The following ADIPOQ variants were observed in gnomAD, a reference collection of about 807,000 sequenced individuals.
ADIPOQ encodes the protein adiponectin, C1Q and collagen domain containing, also known as adiponectin.
Under a neutral mutation model 16.1 loss-of-function variants are expected in ADIPOQ, and 19 were observed. The ratio of observed to expected loss-of-function variants is 1.18; its 90% CI spans 0.82 to 1.73. ADIPOQ has a LOEUF of 1.73. Among genes scored for constraint, ADIPOQ ranks in the 40% most tolerant of loss-of-function variants. The probability of loss-of-function intolerance (pLI) is 0.00; values close to 1 mark genes in which losing one functional copy is unlikely to be tolerated. For missense variants in ADIPOQ, 323 were observed against 308.3 expected, an observed-to-expected ratio of 1.05 and a Z score of -0.36; for synonymous variants, 124 against 125.5, an observed-to-expected ratio of 0.99 and a Z score of 0.08.
At position 186,856,225 on chromosome 3, in the gene ADIPOQ, C is replaced by T. The variant is rs1711996398; in HGVS notation, c.*1521C>T. 1 of 152,146 alleles carries T rather than the reference C, an allele frequency of 6.6e-6. No individual in the cohort carries two copies. The highest frequency in any genetic ancestry group is 2.4e-5 in the African/African-American group (1 of 41,442). The allele number at this position is 152,146 out of a possible 1,614,324, so 9.4% of individuals were successfully genotyped here. On this transcript the variant is annotated 3_prime_UTR_variant, in exon 3 of 3. Coordinates refer to ENST00000320741, the MANE Select transcript of ADIPOQ (RefSeq NM_004797.4). ...ATTTATTATTGTTCTTTAAGAATTA[C>T]AGGTTGAGGTAGTTGATGGTGGTAA...
chr3:186,854,249 T>C lies in ADIPOQ; in HGVS notation c.280T>C (p.Phe94Leu). ...ACCCGGGGCTGAAGGTCCCCGAGGC[T>C]TTCCGGGAATCCAAGGCAGGAAAGG... ...GVPGAEGPRG[F>L]PGIQGRKGEP... The change falls in exon 3 of 3, where the codon TTT becomes CTT. Residue 94 changes from phenylalanine to leucine, a missense_variant. Phe to Leu is a conservative substitution (Grantham distance 22). Transcript: ENST00000320741. 1.2e-6 allele frequency: 2 copies of C among 1,613,718 alleles called. No individual in the cohort carries two copies. Among genetic ancestry groups the C allele is most frequent in the Admixed American group, 1.7e-5 (1 of 60,018 alleles).
At chr3:186,843,611 G>T (rs930003855) in intron 1 of ADIPOQ, among the ~76,000 whole-genome samples, 3 of 143,374 alleles carry the variant, frequency 2.1e-5, no homozygotes, top group Non-Finnish European at 3.0e-5. Context: ...AGTGAGCCGA[G>T]ATTGTTGCCA....
At chr3:186,853,370 A>G in intron 2 of ADIPOQ, 98 bp downstream of exon 2, 1 of 1,438,402 alleles carries the variant, frequency 7.0e-7, no homozygotes, top group Non-Finnish European at 9.6e-7. Context: ...CACAGGGAGA[A>G]AGCAAAGCTT....
rs10662615 is a variant in ADIPOQ, at chr3:186,848,305, AGAAG to A, written c.-8-4728_-8-4725del. On this transcript the variant is annotated intron_variant, in intron 1 of 2. Transcript: ENST00000320741. The stretch of plus-strand genomic sequence containing the variant: ...AGGAAGGAAAGAAGGAAGGAAGGAA[AGAAG>A]GAAGGAAGGAAGGAAGGGTAACAAG... Among the ~76,000 whole-genome samples, 31 of 80,316 alleles carry A rather than the reference AGAAG, an allele frequency of 3.9e-4. 1 individual carries two copies. Among genetic ancestry groups the A allele is most frequent in the African/African-American group, 8.0e-4 (18 of 22,374 alleles). The allele number at this position is 80,316 out of a possible 152,430, so 52.7% of individuals were successfully genotyped here. A position where few individuals can be genotyped will look rare whatever the true frequency, so the allele number is the denominator to read the frequency against.
At position 186,854,305 on chromosome 3, in the gene ADIPOQ, C is replaced by T. The variant is rs1179263606; in HGVS notation, c.336C>T (p.Arg112=). 1.2e-6 allele frequency: 2 copies of T among 1,614,184 alleles called. No homozygotes were observed. Among genetic ancestry groups the T allele is most frequent in the African/African-American group, 1.3e-5 (1 of 75,042 alleles). The change falls in exon 3 of 3, where the codon CGC becomes CGT. Residue 112 remains arginine (R), a synonymous_variant. Coordinates refer to ENST00000320741, the MANE Select transcript of ADIPOQ (RefSeq NM_004797.4). ...GEPGEGAYVY[R]SAFSVGLETY... is the part of the protein sequence containing the mutation. The stretch of plus-strand genomic sequence containing the variant: ...CTGGAGAAGGTGCCTATGTATACCG[C>T]TCAGCATTCAGTGTGGGATTGGAGA...
rs202013088 is a variant in ADIPOQ at position 186,854,604 on chromosome 3, G to A, written c.635G>A (p.Trp212Ter). 1.2e-6 allele frequency: 2 copies of A among 1,614,122 alleles called. No individual in the cohort carries two copies. The highest frequency in any genetic ancestry group is 1.7e-6 in the Non-Finnish European group (2 of 1,179,974). ...CATCTGGAGGTGGGCGACCAAGTCT[G>A]GCTCCAGGTGTATGGGGAAGGAGAG... is the stretch of plus-strand genomic sequence containing the variant. ...LLHLEVGDQV[W>*]LQVYGEGERN... Residue 212 changes from tryptophan to a stop codon, truncating the protein, a stop_gained, in exon 3 of 3, where the codon TGG becomes TAG. Coordinates refer to ENST00000320741, the MANE Select transcript of ADIPOQ (RefSeq NM_004797.4). LOFTEE classifies it high-confidence loss of function.
At chr3:186,852,975 G>T in intron 1 of ADIPOQ, 76 bp from the exon 2 acceptor site, 1 of 1,498,568 alleles carries the variant, frequency 6.7e-7, no homozygotes, top group South Asian at 1.1e-5. Context: ...GATGGACGGA[G>T]TCCTTTGTAG....
intron 1 of ADIPOQ, among the ~76,000 whole-genome samples, chr3:186,843,779 G>A (rs1711510406): frequency 6.6e-6 from 1 of 152,122 alleles, no homozygotes; most frequent in South Asian, 2.1e-4. Flanking sequence ...TTTTCTGACA[G>A]AAGAAACTGG....
intron 1 of ADIPOQ, among the ~76,000 whole-genome samples, chr3:186,846,017 C>T (rs1057472515): frequency 2.6e-5 from 4 of 152,128 alleles, no homozygotes; most frequent in African/African-American, 9.7e-5. Flanking sequence ...GGATCATCTC[C>T]TTAATCTGTC....
intron 1 of ADIPOQ, chr3:186,852,070 A>G (rs931876592): frequency 3.9e-5 from 6 of 152,734 alleles, no homozygotes; most frequent in Admixed American, 2.6e-4. Flanking sequence ...GAAGTGCTAC[A>G]CACTTTCAAC....
Position 186,848,235 on chromosome 3 carries a change from A to G in ADIPOQ, c.-8-4816A>G, listed in dbSNP as rs1419745012. 2.9e-5 allele frequency among the ~76,000 whole-genome samples: 4 copies of G among 138,688 alleles called. 1 individual carries two copies. The highest frequency in any genetic ancestry group is 7.3e-5 in the Admixed American group (1 of 13,738). 91.0% of individuals were successfully genotyped at this position (138,688 alleles called of 152,430 possible). ...GAAGGAAGGAAGGAAGGAAAGAAGGAAGGAAGGAAGGAAAGAAGGAAGGAA... is the reference window on the plus strand; with the variant it reads ...GAAGGAAGGAAGGAAGGAAAGAAGGGAGGAAGGAAGGAAAGAAGGAAGGAA... On this transcript the variant is annotated intron_variant, in intron 1 of 2. Transcript: ENST00000320741.
At chr3:186,843,431 G>C (rs569657675) in intron 1 of ADIPOQ, among the ~76,000 whole-genome samples, 1 of 152,208 alleles carries the variant, frequency 6.6e-6, no homozygotes, top group South Asian at 2.1e-4. Context: ...AGACCGAGGC[G>C]GGTGGATCAC....
intron 1 of ADIPOQ, among the ~76,000 whole-genome samples, chr3:186,848,305 A>AGAAG (rs10662615): frequency 0.61 from 43,530 of 71,888 alleles, 13,965 homozygotes; most frequent in East Asian, 0.81. Context: ...AAGGAAGGAA[A>AGAAG]GAAGGAAGGA....
intron 1 of ADIPOQ, chr3:186,852,667 T>G: frequency 4.6e-6 from 1 of 219,742 alleles, no homozygotes; most frequent in Non-Finnish European, 9.1e-6. Context: ...TAGCATTGAA[T>G]GGAGCAATCT....
Position 186,854,189 on chromosome 3 carries a change from A to G in ADIPOQ, c.220A>G (p.Ile74Val), listed in dbSNP as rs761276215. 2 of 1,612,708 alleles carry G rather than the reference A, an allele frequency of 1.2e-6. No homozygotes were observed. Among genetic ancestry groups the G allele is most frequent in the African/African-American group, 2.7e-5 (2 of 74,850 alleles). ...EKGEKGDPGLIGPKGDIGETG... is the reference protein window; with the variant it reads ...EKGEKGDPGLVGPKGDIGETG... ...GAGGTCTTCTCATTCCTTAGGTCTT[A>G]TTGGTCCTAAGGGAGACATCGGTGA... The change falls in exon 3 of 3, where the codon ATT (isoleucine) becomes GTT (valine). Residue 74 changes from isoleucine to valine, a missense_variant. Transcript: ENST00000320741.
At chr3:186,852,345 CAG>C (rs1373277610) in intron 1 of ADIPOQ, 1 of 152,492 alleles carries the variant, frequency 6.6e-6, no homozygotes, top group African/African-American at 2.4e-5. Context: ...AGAGATTAGA[CAG>C]GGGAGGAGGG....
At position 186,857,655 on chromosome 3, in the gene ADIPOQ, G is replaced by T. The variant is rs2108494036; in HGVS notation, c.*2951G>T. The T allele has an allele frequency of 6.6e-6, 1 of 152,314 alleles. No homozygotes were observed. The highest frequency in any genetic ancestry group is 2.1e-4 in the South Asian group (1 of 4,824). The allele number at this position is 152,314 out of a possible 1,614,324, so 9.4% of individuals were successfully genotyped here. The stretch of plus-strand genomic sequence containing the variant: ...AGAGAAACTGAGGTCAAGATTTCAG[G>T]ATTAATGGTCCTGTGATGCTTTGAA... On this transcript the variant is annotated 3_prime_UTR_variant, in exon 3 of 3. Transcript: ENST00000320741.
rs183590709 is a variant in ADIPOQ, at chr3:186,854,627, G to A, written c.658G>A (p.Glu220Lys). 9 of 1,614,060 alleles carry A rather than the reference G, an allele frequency of 5.6e-6. 1 individual carries two copies. In the South Asian group the frequency reaches 8.8e-5, roughly 16 times the overall value. Reference protein sequence around the residue: ...QVWLQVYGEGERNGLYADNDN... With the variant: ...QVWLQVYGEGKRNGLYADNDN... ...CTGGCTCCAGGTGTATGGGGAAGGAGAGCGTAATGGACTCTATGCTGATAA... is the reference window on the plus strand; with the variant it reads ...CTGGCTCCAGGTGTATGGGGAAGGAAAGCGTAATGGACTCTATGCTGATAA... The change falls in exon 3 of 3, where the codon GAG (glutamate) becomes AAG (lysine). Residue 220 changes from glutamate to lysine, a missense_variant. Physicochemically the swap from Glu to Lys is moderately conservative, Grantham distance 56. Coordinates refer to ENST00000320741, the MANE Select transcript of ADIPOQ (RefSeq NM_004797.4).
chr3:186,854,446 C>T lies in ADIPOQ; in HGVS notation c.477C>T (p.Tyr159=). ...KFHCNIPGLY[Y]FAYHITVYMK... Reference sequence around the variant, plus strand: ...ACTGCAACATTCCTGGGCTGTACTACTTTGCCTACCACATCACAGTCTATA... The same window carrying T: ...ACTGCAACATTCCTGGGCTGTACTATTTTGCCTACCACATCACAGTCTATA... Residue 159 remains tyrosine, a synonymous_variant, in exon 3 of 3, where the codon TAC becomes TAT. Coordinates refer to ENST00000320741, the MANE Select transcript of ADIPOQ (RefSeq NM_004797.4). The T allele has an allele frequency of 6.2e-7, 1 of 1,614,222 alleles. No individual in the cohort carries two copies. Among genetic ancestry groups the T allele is most frequent in the Non-Finnish European group, 8.5e-7 (1 of 1,180,044 alleles).
Sources: allele counts gnomAD v4.1 joint callset (sites outside exome capture counted in the v4.1 genomes callset), GRCh38; gene constraint gnomAD v4.1.1; transcripts MANE v1.5; gene names NCBI Gene and HGNC (gene_info 2026-07-23, HGNC 2026-07-21).